SHCBP1L: variants seen among roughly 807,000 people sequenced by gnomAD.
SHCBP1L encodes SHC binding and spindle associated 1 like.
A neutral mutation model predicts 62.5 loss-of-function variants in SHCBP1L; 67 were observed. That is an observed-to-expected ratio of 1.07 (90% CI 0.88 to 1.31). The LOEUF is 1.31. Ranked by LOEUF, SHCBP1L falls within the 40% of genes most tolerant of loss-of-function variation. The pLI, the probability that SHCBP1L is intolerant of heterozygous loss-of-function variation, is 0.00. For missense variants in SHCBP1L, 823 were observed against 809.8 expected (o/e 1.02, Z -0.20); for synonymous variants, 284 against 289.4 (o/e 0.98, Z 0.19).
In SHCBP1L at chr1:182,908,427, C is replaced by T. The variant is rs577642453; in HGVS notation, c.1183-2778G>A. On this transcript the variant is annotated intron_variant, in intron 6 of 9. Coordinates refer to ENST00000367547, the MANE Select transcript of SHCBP1L (RefSeq NM_030933.4). ...GGATAATGGCCTTCAGGTGCATCCA[C>T]GCCACTGCAAAGGACATGATTTCAT... Among the ~76,000 whole-genome samples, 9 of 152,200 alleles carry T rather than the reference C, an allele frequency of 5.9e-5. No individual in the cohort carries two copies. In the East Asian group the frequency reaches 7.7e-4, roughly 13 times the overall value.
intron 1 of SHCBP1L, chr1:182,952,450 T>G: frequency 2.5e-6 from 1 of 398,006 alleles, no homozygotes; most frequent in East Asian, 4.3e-5. Flanking sequence ...GGCCAATATA[T>G]CTTCATTTTT....
chr1:182,934,462 T>C (rs2101946557), intron 5 of SHCBP1L, among the ~76,000 whole-genome samples: 2 of 152,288 alleles, frequency 1.3e-5, no homozygotes, highest in South Asian at 4.1e-4. Flanking sequence ...CATCTCTTTA[T>C]ATGCTTTTTT....
At chr1:182,937,748 A>G (rs1383339656) in intron 5 of SHCBP1L, among the ~76,000 whole-genome samples, 2 of 152,090 alleles carry the variant, frequency 1.3e-5, no homozygotes, top group Non-Finnish European at 2.9e-5. Context: ...GGAAGTTTCT[A>G]TTGACAAATC....
intron 6 of SHCBP1L, among the ~76,000 whole-genome samples, chr1:182,916,132 G>T (rs577261024): frequency 6.6e-6 from 1 of 152,128 alleles, no homozygotes; most frequent in Non-Finnish European, 1.5e-5. Flanking sequence ...AATAACAAAT[G>T]GCTCAAAGAT....
At position 182,952,753 on chromosome 1, in the gene SHCBP1L, G is replaced by T. The variant is rs1651821630; in HGVS notation, c.381C>A (p.Cys127Ter). ...CCTTACAGTCCTGCAGCACTTCGTC[G>T]CAATACAGCGACACCTTCTCGTCCC... ...MWRDEKVSLY[C>*]DEVLQDCKAE... is the part of the protein sequence containing the mutation. Residue 127 changes from cysteine to a stop codon, truncating the protein, a stop_gained, in exon 1 of 10, where the codon TGC becomes TGA. Coordinates refer to ENST00000367547, the MANE Select transcript of SHCBP1L (RefSeq NM_030933.4). LOFTEE classifies it high-confidence loss of function. 1.9e-6 allele frequency: 3 copies of T among 1,610,844 alleles called. No homozygotes were observed. The highest frequency in any genetic ancestry group is 2.5e-6 in the Non-Finnish European group (3 of 1,178,844).
intron 9 of SHCBP1L, among the ~76,000 whole-genome samples, chr1:182,901,544 G>T (rs1032781490): frequency 2.0e-5 from 3 of 152,188 alleles, no homozygotes; most frequent in Admixed American, 2.0e-4. Flanking sequence ...AGCCAGTGTG[G>T]CTCGAATATA....
chr1:182,907,395 T>C (rs2101921472), intron 6 of SHCBP1L, among the ~76,000 whole-genome samples: 1 of 146,862 alleles, frequency 6.8e-6, no homozygotes, highest in South Asian at 2.2e-4. Flanking sequence ...ATGGTGCCAT[T>C]GCACTCCAGC....
chr1:182,911,150 G>T (rs550208189), intron 6 of SHCBP1L, among the ~76,000 whole-genome samples: 1 of 151,962 alleles, frequency 6.6e-6, no homozygotes, highest in African/African-American at 2.4e-5. Flanking sequence ...TCAGCCTCCC[G>T]AAGTGCTGGG....
chr1:182,903,742 G>A (rs868033857), intron 8 of SHCBP1L, among the ~76,000 whole-genome samples: 4 of 151,976 alleles, frequency 2.6e-5, no homozygotes, highest in Admixed American at 6.6e-5. Context: ...TGATCCTCCC[G>A]TCTCAGCTCC....
chr1:182,913,818 TA>T (rs1300688208), intron 6 of SHCBP1L, among the ~76,000 whole-genome samples: 1 of 152,090 alleles, frequency 6.6e-6, no homozygotes, highest in Admixed American at 6.5e-5. Context: ...CCATCTCTAC[TA>T]AAAATACAAA....
chr1:182,941,671 C>A (rs1028766181), intron 2 of SHCBP1L, among the ~76,000 whole-genome samples: 7 of 152,082 alleles, frequency 4.6e-5, no homozygotes, highest in Non-Finnish European at 1.0e-4. Flanking sequence ...GAGCCATGAT[C>A]AAAGAGTGGT....
Position 182,953,044 on chromosome 1 carries a change from G to A in SHCBP1L, c.90C>T (p.Val30=). ...TGGTCGCGGCCGCCGTGTCCCCGGAGACAGCGGAGGCGGACTTCTCGCCTC... is the reference window on the plus strand; with the variant it reads ...TGGTCGCGGCCGCCGTGTCCCCGGAAACAGCGGAGGCGGACTTCTCGCCTC... The part of the protein sequence containing the change: ...DRRGEKSASA[V]SGDTAAATTL... The change falls in exon 1 of 10, where the codon GTC becomes GTT. Residue 30 remains valine, a synonymous_variant. Transcript: ENST00000367547. 6.5e-7 allele frequency: 1 copy of A among 1,545,606 alleles called. No homozygotes were observed. Among genetic ancestry groups the A allele is most frequent in the Non-Finnish European group, 8.7e-7 (1 of 1,151,056 alleles).
intron 5 of SHCBP1L, among the ~76,000 whole-genome samples, chr1:182,935,781 C>T (rs1272731111): frequency 6.6e-6 from 1 of 152,150 alleles, no homozygotes; most frequent in Non-Finnish European, 1.5e-5. Flanking sequence ...GATAATTGTC[C>T]TAGTTCTTAA....
intron 5 of SHCBP1L, among the ~76,000 whole-genome samples, chr1:182,933,394 A>G (rs1261516055): frequency 6.6e-6 from 1 of 152,206 alleles, no homozygotes; most frequent in Non-Finnish European, 1.5e-5. Flanking sequence ...GCAAGAGTAA[A>G]TATCCTTATC....
At chr1:182,937,804 C>A (rs1651227208) in intron 5 of SHCBP1L, among the ~76,000 whole-genome samples, 1 of 152,106 alleles carries the variant, frequency 6.6e-6, no homozygotes, top group African/African-American at 2.4e-5. Flanking sequence ...GATCATGTAT[C>A]CCAGCTATTG....
intron 6 of SHCBP1L, among the ~76,000 whole-genome samples, chr1:182,926,871 C>T (rs184716072): frequency 6.6e-5 from 10 of 151,786 alleles, no homozygotes; most frequent in African/African-American, 2.4e-4. Flanking sequence ...CAAATATAAA[C>T]TCATTTAATC....
chr1:182,910,024 C>T (rs1401817109), intron 6 of SHCBP1L, among the ~76,000 whole-genome samples: 5 of 152,116 alleles, frequency 3.3e-5, no homozygotes, highest in African/African-American at 1.2e-4. Context: ...TATTGTTTTG[C>T]TATTTAAAAT....
In SHCBP1L at chr1:182,934,595, T is replaced by C. The variant is rs192662496; in HGVS notation, c.1076+4581A>G. Among the ~76,000 whole-genome samples the C allele has an allele frequency of 4.5e-3, 690 of 152,294 alleles. 5 individuals are homozygous for C. The highest frequency in any genetic ancestry group is 0.016 in the African/African-American group (664 of 41,580). ...ATTTTAGATACAAGTCTATCAGATA[T>C]GCATTATGCAAATATTTTCTCCTAA... On this transcript the variant is annotated intron_variant, in intron 5 of 9. Transcript: ENST00000367547.
intron 6 of SHCBP1L, among the ~76,000 whole-genome samples, chr1:182,929,171 T>A (rs1650878433): frequency 6.6e-6 from 1 of 152,208 alleles, no homozygotes; most frequent in Non-Finnish European, 1.5e-5. Flanking sequence ...CCTTCAGGAT[T>A]CAGCTGAGTT....
Sources: gnomAD v4.1 joint callset for allele counts (sites outside exome capture counted in the v4.1 genomes callset) on GRCh38, gnomAD v4.1.1 for gene constraint, MANE v1.5 for transcripts, NCBI Gene and HGNC (gene_info 2026-07-23, HGNC 2026-07-21) for gene names.